Variants in TRPM5 observed in about 807,000 individuals in gnomAD.
The protein encoded by TRPM5 is transient receptor potential cation channel subfamily M member 5, also known as MLSN1 and TRP-related.
Under a neutral mutation model 124.9 loss-of-function variants are expected in TRPM5, and 121 were observed. That is an observed-to-expected ratio of 0.97 (90% CI 0.84 to 1.13). The LOEUF is 1.13. Among genes scored for constraint, TRPM5 ranks in the 50% most tolerant of loss-of-function variants. The probability of loss-of-function intolerance (pLI) is 0.00; values close to 1 mark genes in which losing one functional copy is unlikely to be tolerated. For missense variants in TRPM5, 1,643 were observed against 1,589.1 expected, an observed-to-expected ratio of 1.03 and a Z score of -0.58; for synonymous variants, 781 against 700.5, an observed-to-expected ratio of 1.11 and a Z score of -1.81.
the TRPM5 span, among the ~76,000 whole-genome samples, chr11:2,438,436 G>A: frequency 6.6e-6 from 1 of 152,170 alleles, no homozygotes; most frequent in East Asian, 1.9e-4. The surrounding 1 kb of genome is among the most constrained non-coding windows in gnomAD (Gnocchi z 5.9). Context: ...AGGCTGAAGC[G>A]AGCGGATCAC....
In TRPM5 at chr11:2,415,351, C is replaced by A; in HGVS notation, c.1249G>T (p.Glu417Ter). ...TTGCGTGACACGGAGCGGTAGAGCT[C>A]CTGCAGCCGCCCATACGTCAGGAAG... Residue 417 changes from glutamate to a stop codon, truncating the protein, a stop_gained, in exon 9 of 24, where the codon GAG becomes TAG. Transcript: ENST00000155858. LOFTEE classifies it high-confidence loss of function. The A allele has an allele frequency of 6.3e-7, 1 of 1,585,576 alleles. No individual in the cohort carries two copies. Among genetic ancestry groups the A allele is most frequent in the Admixed American group, 1.7e-5 (1 of 58,186 alleles).
At chr11:2,406,582 C>G in intron 21 of TRPM5, 79 bp downstream of exon 26, 1 of 1,515,822 alleles carries the variant, frequency 6.6e-7, no homozygotes, top group Non-Finnish European at 8.9e-7. Context: ...AGCTCAGATC[C>G]TCTGTCACTG....
At chr11:2,415,001 T>C in exon 10 of TRPM5, 1 of 1,605,446 alleles carries the variant, frequency 6.2e-7, no homozygotes, top group Non-Finnish European at 8.5e-7. Context: ...CTGGTTCAGG[T>C]CCAGCAGCCA....
the TRPM5 span, among the ~76,000 whole-genome samples, chr11:2,439,952 G>A: frequency 6.6e-6 from 1 of 152,138 alleles, no homozygotes; most frequent in Non-Finnish European, 1.5e-5. Context: ...TGGTAGACTG[G>A]GTAAAGAAAA....
Position 2,422,487 on chromosome 11 carries a change from C to T in TRPM5, c.118-166G>A, listed in dbSNP as rs548136838. Among the ~76,000 whole-genome samples, 23 of 140,072 alleles carry T rather than the reference C, an allele frequency of 1.6e-4. No individual in the cohort carries two copies. In the South Asian group the frequency reaches 4.2e-3, roughly 26 times the overall value. The allele number at this position is 140,072 out of a possible 152,430, so 91.9% of individuals were successfully genotyped here. ...CAAGGGGGCTGGACACAGGGGGTACCGGGGAGGTGCTGGGCATTGGGGGCA... is the reference window on the plus strand; with the variant it reads ...CAAGGGGGCTGGACACAGGGGGTACTGGGGAGGTGCTGGGCATTGGGGGCA... On this transcript the variant is annotated intron_variant, in intron 1 of 23. Transcript: ENST00000155858.
chr11:2,421,470 C>A (rs1473089587), intron 2 of TRPM5, among the ~76,000 whole-genome samples: 1 of 152,212 alleles, frequency 6.6e-6, no homozygotes, highest in Non-Finnish European at 1.5e-5. Flanking sequence ...GTCCAGTCCC[C>A]CCACCGTGCT....
intron 3 of TRPM5, among the ~76,000 whole-genome samples, chr11:2,420,771 GAAGCTGCTTGCCC>G (rs1344266326): frequency 6.6e-6 from 1 of 152,232 alleles, no homozygotes; most frequent in Non-Finnish European, 1.5e-5. Context: ...ATGGGGGACG[GAAGCTGCTTGCCC>G]AGGCTTGGAA....
upstream of TRPM5, among the ~76,000 whole-genome samples, chr11:2,427,539 C>T (rs948304648): frequency 2.0e-5 from 3 of 152,354 alleles, no homozygotes; most frequent in Admixed American, 6.5e-5. Flanking sequence ...TCCACACGGC[C>T]GAGCCCACAG....
the TRPM5 span, among the ~76,000 whole-genome samples, chr11:2,439,885 C>A: frequency 6.6e-6 from 1 of 152,302 alleles, no homozygotes; most frequent in East Asian, 1.9e-4. Flanking sequence ...CTTCCATGTT[C>A]ATCGCAGCAC....
At chr11:2,420,117 A>G in intron 4 of TRPM5, 105 bp downstream of exon 9, 1 of 1,341,620 alleles carries the variant, frequency 7.5e-7, no homozygotes, top group East Asian at 2.4e-5. Context: ...CTGCCTGGGA[A>G]GCCCTCCCCC....
upstream of TRPM5, among the ~76,000 whole-genome samples, chr11:2,424,810 G>A (rs1324498861): frequency 6.6e-6 from 1 of 152,172 alleles, no homozygotes; most frequent in African/African-American, 2.4e-5. Context: ...GGTTGTCTTG[G>A]CTGCCCAGGG....
chr11:2,436,428 T>C, the TRPM5 span, among the ~76,000 whole-genome samples: 1 of 152,210 alleles, frequency 6.6e-6, no homozygotes, highest in South Asian at 2.1e-4. Flanking sequence ...TTTGCCCTCC[T>C]TCTCTGAGTG....
chr11:2,404,442 C>G (rs539186369), downstream of TRPM5: 1 of 154,656 alleles, frequency 6.5e-6, no homozygotes, highest in African/African-American at 2.4e-5. Flanking sequence ...CCAGCCCTGT[C>G]TTCCAGGAGC....
At chr11:2,428,227 C>G in the TRPM5 span, among the ~76,000 whole-genome samples, 1 of 152,128 alleles carries the variant, frequency 6.6e-6, no homozygotes, top group Non-Finnish European at 1.5e-5. The surrounding 1 kb of genome is among the most constrained non-coding windows in gnomAD (Gnocchi z 4.0). Context: ...GAGAACAGAG[C>G]CTGGGGGATA....
chr11:2,407,603 C>G (rs543076375), intron 19 of TRPM5, among the ~76,000 whole-genome samples, 156 bp downstream of exon 24: 1 of 152,356 alleles, frequency 6.6e-6, no homozygotes, highest in East Asian at 1.9e-4. Context: ...AGGCAAAGCC[C>G]TGCAGTCCAG....
chr11:2,415,971 C>T, exon 8 of TRPM5: 21 of 1,582,946 alleles, frequency 1.3e-5, no homozygotes, highest in Non-Finnish European at 1.8e-5. Context: ...CAGGCCACGG[C>T]CAGCTTGAGC....
At chr11:2,438,919 T>C in the TRPM5 span, among the ~76,000 whole-genome samples, 1 of 152,154 alleles carries the variant, frequency 6.6e-6, no homozygotes, top group African/African-American at 2.4e-5. The surrounding 1 kb of genome is among the most constrained non-coding windows in gnomAD (Gnocchi z 5.9). Context: ...ATTACCTGAC[T>C]TCAAACTAAT....
chr11:2,415,607 TCCTGCACCCCAGCCTGCCC>T lies in TRPM5; in HGVS notation c.1129-155_1129-137del, dbSNP rs1490223587. 9.0e-5 allele frequency: 61 copies of T among 676,662 alleles called. No individual in the cohort carries two copies. In the African/African-American group the frequency reaches 1.1e-3, roughly 12 times the overall value. The allele number at this position is 676,662 out of a possible 1,614,324, so 41.9% of individuals were successfully genotyped here. ...CCAGGTCACGCAGACCCTCTCGCTCTCCTGCACCCCAGCCTGCCCCCTGCATTGGGGCGGGCACAGAGGG... is the reference window on the plus strand; with the variant it reads ...CCAGGTCACGCAGACCCTCTCGCTCTCCTGCATTGGGGCGGGCACAGAGGG... On this transcript the variant is annotated intron_variant, in intron 8 of 23. Transcript: ENST00000155858.
chr11:2,430,547 G>A, the TRPM5 span, among the ~76,000 whole-genome samples: 4 of 152,010 alleles, frequency 2.6e-5, no homozygotes, highest in Non-Finnish European at 5.9e-5. Flanking sequence ...TGGTGATGTT[G>A]GTGGCAGCGG....
Sources: allele counts gnomAD v4.1 joint callset (sites outside exome capture counted in the v4.1 genomes callset), GRCh38; gene constraint gnomAD v4.1.1; non-coding constraint Gnocchi (gnomAD v3.1); transcripts MANE v1.5; gene names NCBI Gene and HGNC (gene_info 2026-07-23, HGNC 2026-07-21).